NALCN: variants seen among roughly 807,000 people sequenced by gnomAD.
NALCN encodes sodium leak channel, non-selective, also known as sodium leak channel NALCN.
Under a neutral mutation model 225.3 loss-of-function variants are expected in NALCN, and 111 were observed. That is an observed-to-expected ratio of 0.49 (90% CI 0.42 to 0.58). The LOEUF is 0.58. Ranked by LOEUF, NALCN falls within the 20% of genes least tolerant of loss-of-function variation. The pLI, the probability that NALCN is intolerant of heterozygous loss-of-function variation, is 0.00. For synonymous variants in NALCN, 764 were observed against 769.0 expected (o/e 0.99, Z 0.11); for missense variants, 1,378 against 2,202.4 (o/e 0.63, Z 7.49).
At chr13:101,150,298 C>G (rs1329275248) in intron 15 of NALCN, among the ~76,000 whole-genome samples, 1 of 152,090 alleles carries the variant, frequency 6.6e-6, no homozygotes, top group East Asian at 1.9e-4. Flanking sequence ...AAGGCACAGT[C>G]AATATTTCCT....
At chr13:101,061,293 TTAAAG>T (rs1212637670) in intron 41 of NALCN, among the ~76,000 whole-genome samples, 2 of 152,228 alleles carry the variant, frequency 1.3e-5, no homozygotes, top group East Asian at 1.9e-4. Context: ...TAGCAGCAAT[TTAAAG>T]TAGTTTTGCA....
chr13:101,302,050 T>C (rs945142475), intron 7 of NALCN, among the ~76,000 whole-genome samples: 1 of 152,224 alleles, frequency 6.6e-6, no homozygotes, highest in Non-Finnish European at 1.5e-5. Flanking sequence ...GAAGGAAATC[T>C]TTTCAAAGGA....
chr13:101,303,098 A>T (rs2044030748), intron 7 of NALCN, among the ~76,000 whole-genome samples: 1 of 152,148 alleles, frequency 6.6e-6, no homozygotes, highest in Admixed American at 6.6e-5. Flanking sequence ...AACACTGTTG[A>T]TTTCCAGTTA....
Position 101,193,892 on chromosome 13 carries a change from C to A in NALCN, c.1627-1838G>T, listed in dbSNP as rs77828489. On this transcript the variant is annotated intron_variant, in intron 13 of 43. Coordinates refer to ENST00000251127, the MANE Select transcript of NALCN (RefSeq NM_052867.4). ...GCTGTATTTTCTTCAATGAAGGTAT[C>A]GGTGTGAAAACATGTACATATCCTG... 3.4e-4 allele frequency among the ~76,000 whole-genome samples: 52 copies of A among 152,150 alleles called. 1 individual carries two copies. Among genetic ancestry groups the A allele is most frequent in the African/African-American group, 1.2e-3 (50 of 41,504 alleles).
chr13:101,186,764 T>C (rs1439546651), intron 14 of NALCN, among the ~76,000 whole-genome samples: 4 of 151,990 alleles, frequency 2.6e-5, no homozygotes, highest in African/African-American at 9.7e-5. Context: ...CTGAGAAAAA[T>C]TGATTTGAGT....
chr13:101,287,975 T>C (rs775285497), intron 9 of NALCN, among the ~76,000 whole-genome samples: 9 of 152,208 alleles, frequency 5.9e-5, no homozygotes, highest in Non-Finnish European at 1.3e-4. Context: ...ACATACACAG[T>C]AATGCAGAGA....
At chr13:101,325,479 A>G (rs1239271599) in intron 7 of NALCN, among the ~76,000 whole-genome samples, 1 of 152,196 alleles carries the variant, frequency 6.6e-6, no homozygotes, top group Non-Finnish European at 1.5e-5. Flanking sequence ...CAAAACAGCC[A>G]GCTGCTGTCC....
intron 36 of NALCN, among the ~76,000 whole-genome samples, chr13:101,074,017 G>A (rs2033086805): frequency 6.6e-6 from 1 of 151,770 alleles, no homozygotes. Flanking sequence ...TGACATATCG[G>A]TATATACTTT....
At chr13:101,372,172 C>T (rs749815483) in intron 6 of NALCN, among the ~76,000 whole-genome samples, 3 of 151,930 alleles carry the variant, frequency 2.0e-5, no homozygotes, top group Non-Finnish European at 4.4e-5. Flanking sequence ...ACACGTTATG[C>T]GCCTAATTAA....
intron 28 of NALCN, among the ~76,000 whole-genome samples, chr13:101,091,427 T>C (rs891236691): frequency 6.6e-6 from 1 of 152,196 alleles, no homozygotes; most frequent in Non-Finnish European, 1.5e-5. Flanking sequence ...GTTTTTTGAA[T>C]ATTAAATAGA....
intron 37 of NALCN, among the ~76,000 whole-genome samples, chr13:101,072,465 G>A (rs190523274): frequency 6.6e-5 from 10 of 152,294 alleles, no homozygotes; most frequent in East Asian, 5.8e-4. Flanking sequence ...ATAAAATGCC[G>A]ACACCTCTGA....
chr13:101,192,411 CCTG>C (rs2039718264), intron 13 of NALCN, among the ~76,000 whole-genome samples: 2 of 151,998 alleles, frequency 1.3e-5, no homozygotes. Context: ...TTTCTTTGTT[CCTG>C]CTGCTAAGAG....
chr13:101,271,791 G>A (rs767261796), intron 10 of NALCN, among the ~76,000 whole-genome samples: 24 of 151,892 alleles, frequency 1.6e-4, no homozygotes, highest in Non-Finnish European at 3.4e-4. Context: ...GCATGTCTGT[G>A]TGCATGCATG....
rs569379218 is a variant in NALCN, at chr13:101,355,372, G to T, written c.645-9952C>A. ...GGAAGACCTACCAAGCAAATGGAAA[G>T]AAAAAAAAAAATCAGGGGTTGCAAT... On this transcript the variant is annotated intron_variant, in intron 6 of 43. Transcript: ENST00000251127. 1.6e-4 allele frequency among the ~76,000 whole-genome samples: 23 copies of T among 146,806 alleles called. 1 individual carries two copies. The Middle Eastern group carries it at 0.014, about 90-fold the overall frequency.
chr13:101,170,651 G>A (rs1406188459), intron 15 of NALCN, among the ~76,000 whole-genome samples: 1 of 152,128 alleles, frequency 6.6e-6, no homozygotes, highest in Non-Finnish European at 1.5e-5. Context: ...AATAAGAAAG[G>A]AAAGCTTCTT....
chr13:101,110,141 GT>G (rs775609972), intron 20 of NALCN, among the ~76,000 whole-genome samples: 3 of 152,244 alleles, frequency 2.0e-5, no homozygotes, highest in East Asian at 3.9e-4. Flanking sequence ...ATGACTTAGA[GT>G]CTAAAAGCAA....
chr13:101,143,741 G>A lies in NALCN; in HGVS notation c.1977-520C>T, dbSNP rs1594298456. Among the ~76,000 whole-genome samples, 3 of 152,294 alleles carry A rather than the reference G, an allele frequency of 2.0e-5. No individual in the cohort carries two copies. The East Asian group carries it at 5.8e-4, about 29-fold the overall frequency. ...GGCCTCCCAAAGTGCTGGGATTACAGGTGTGAGCCACCGCACCCAGCCCAG... is the reference window on the plus strand; with the variant it reads ...GGCCTCCCAAAGTGCTGGGATTACAAGTGTGAGCCACCGCACCCAGCCCAG... On this transcript the variant is annotated intron_variant, in intron 16 of 43. Coordinates refer to ENST00000251127, the MANE Select transcript of NALCN (RefSeq NM_052867.4).
chr13:101,135,337 G>T (rs1384306275), intron 17 of NALCN, among the ~76,000 whole-genome samples: 1 of 152,218 alleles, frequency 6.6e-6, no homozygotes, highest in Non-Finnish European at 1.5e-5. Flanking sequence ...GAAGGTGAGT[G>T]GGCTTGTGAT....
At chr13:101,066,560 G>A (rs921010223) in intron 39 of NALCN, among the ~76,000 whole-genome samples, 12 of 149,688 alleles carry the variant, frequency 8.0e-5, no homozygotes, top group African/African-American at 3.0e-4. Context: ...CTGACATCTC[G>A]GTGTGCAGGG....
Sources: allele counts gnomAD v4.1 joint callset (sites outside exome capture counted in the v4.1 genomes callset), GRCh38; gene constraint gnomAD v4.1.1; transcripts MANE v1.5; gene names NCBI Gene and HGNC (gene_info 2026-07-23, HGNC 2026-07-21).